GALNTL6: variants seen among roughly 807,000 people sequenced by gnomAD.
GALNTL6 encodes the protein polypeptide N-acetylgalactosaminyltransferase-like 6.
Under a neutral mutation model 73.7 loss-of-function variants are expected in GALNTL6, and 46 were observed. The observed-to-expected ratio is 0.62, with a 90% CI of 0.49 to 0.80. The LOEUF is 0.80. Among genes scored for constraint, GALNTL6 ranks in the 30% least tolerant of loss-of-function variants. The pLI is 0.00. For missense variants in GALNTL6, 604 were observed against 755.0 expected, an observed-to-expected ratio of 0.80 and a Z score of 2.34; for synonymous variants, 259 against 263.7, an observed-to-expected ratio of 0.98 and a Z score of 0.17.
chr4:172,008,788 C>T (rs1160226872), intron 2 of GALNTL6, among the ~76,000 whole-genome samples: 1 of 152,116 alleles, frequency 6.6e-6, no homozygotes, highest in African/African-American at 2.4e-5. Flanking sequence ...TGGCTGCTTT[C>T]CACATCCTTA....
At chr4:172,035,439 T>C (rs1741904132) in intron 2 of GALNTL6, among the ~76,000 whole-genome samples, 1 of 150,878 alleles carries the variant, frequency 6.6e-6, no homozygotes, top group Admixed American at 6.6e-5. Context: ...ACACCTAGAA[T>C]AAAAAGGCTT....
chr4:172,145,283 GCGCCCGC>G (rs1733900486), intron 2 of GALNTL6, among the ~76,000 whole-genome samples: 1 of 151,808 alleles, frequency 6.6e-6, no homozygotes, highest in African/African-American at 2.4e-5. Context: ...GGGACTACAG[GCGCCCGC>G]CACTACGCCC....
intron 2 of GALNTL6, among the ~76,000 whole-genome samples, chr4:172,097,425 C>T (rs1453649989): frequency 2.0e-5 from 3 of 152,098 alleles, no homozygotes; most frequent in African/African-American, 7.2e-5. Flanking sequence ...CAGAGCTCTG[C>T]CCATTATGAG....
intron 5 of GALNTL6, among the ~76,000 whole-genome samples, chr4:172,525,152 T>C (rs1734910235): frequency 6.6e-6 from 1 of 152,240 alleles, no homozygotes; most frequent in Non-Finnish European, 1.5e-5. Context: ...CTTATAATTG[T>C]CAAAGCTTTA....
intron 4 of GALNTL6, among the ~76,000 whole-genome samples, chr4:172,339,960 G>A (rs1741501795): frequency 6.6e-6 from 1 of 152,054 alleles, no homozygotes; most frequent in African/African-American, 2.4e-5. Context: ...TGTGGCTGAG[G>A]CCATCTTGAA....
At chr4:171,866,146 G>A (rs925062988) in intron 2 of GALNTL6, among the ~76,000 whole-genome samples, 2 of 152,094 alleles carry the variant, frequency 1.3e-5, no homozygotes, top group Non-Finnish European at 2.9e-5. Context: ...ATCCAGCACT[G>A]AGTTAAGAAG....
intron 2 of GALNTL6, among the ~76,000 whole-genome samples, chr4:171,957,212 T>C (rs1739077266): frequency 6.6e-6 from 1 of 152,218 alleles, no homozygotes; most frequent in African/African-American, 2.4e-5. Flanking sequence ...GTGACAGATA[T>C]GTAGGAACTT....
At chr4:172,720,737 A>G (rs1192909435) in intron 5 of GALNTL6, among the ~76,000 whole-genome samples, 5 of 151,902 alleles carry the variant, frequency 3.3e-5, no homozygotes, top group Admixed American at 1.3e-4. Context: ...TATTCAATGC[A>G]TTACTCTTTA....
chr4:172,031,993 G>A (rs1007567498), intron 2 of GALNTL6, among the ~76,000 whole-genome samples: 1 of 152,058 alleles, frequency 6.6e-6, no homozygotes, highest in Non-Finnish European at 1.5e-5. Flanking sequence ...TACCAAAAGA[G>A]CATTTAAGTC....
intron 3 of GALNTL6, among the ~76,000 whole-genome samples, chr4:172,250,613 C>G (rs1049409051): frequency 3.3e-5 from 5 of 152,110 alleles, no homozygotes; most frequent in African/African-American, 1.2e-4. Flanking sequence ...TGTCATTCTT[C>G]TCTCTCCTTG....
intron 12 of GALNTL6, among the ~76,000 whole-genome samples, chr4:173,022,118 G>A (rs548269772): frequency 4.8e-4 from 67 of 140,178 alleles, no homozygotes; most frequent in Non-Finnish European, 6.9e-4. Flanking sequence ...AAAGAAGGAA[G>A]GAAGGAAGGA....
chr4:172,795,926 C>T (rs537059819), intron 5 of GALNTL6, among the ~76,000 whole-genome samples: 20 of 151,084 alleles, frequency 1.3e-4, no homozygotes, highest in Admixed American at 7.9e-4. Context: ...AAAGTTATGA[C>T]GTATTTAAAA....
intron 5 of GALNTL6, among the ~76,000 whole-genome samples, chr4:172,632,217 T>A (rs529763733): frequency 1.1e-4 from 17 of 152,348 alleles, no homozygotes; most frequent in African/African-American, 4.1e-4. Context: ...AGTGGGGTGC[T>A]GCTGTAAAGA....
intron 5 of GALNTL6, among the ~76,000 whole-genome samples, chr4:172,556,193 A>G (rs1463691272): frequency 6.6e-6 from 1 of 152,096 alleles, no homozygotes; most frequent in East Asian, 1.9e-4. Flanking sequence ...AGCGTTTCCT[A>G]GTAGACCTGA....
intron 4 of GALNTL6, among the ~76,000 whole-genome samples, chr4:172,319,933 AT>A (rs1376866017): frequency 2.6e-5 from 4 of 152,156 alleles, no homozygotes; most frequent in African/African-American, 9.7e-5. Context: ...AGATCACTCT[AT>A]CCTTCTCTCC....
intron 10 of GALNTL6, among the ~76,000 whole-genome samples, chr4:173,003,824 T>C (rs1752151796): frequency 6.6e-6 from 1 of 152,174 alleles, no homozygotes; most frequent in East Asian, 1.9e-4. Flanking sequence ...ATGTCATCCA[T>C]CCTACCAAGT....
intron 3 of GALNTL6, among the ~76,000 whole-genome samples, chr4:172,302,808 C>CT (rs552554584): frequency 4.3e-4 from 64 of 147,562 alleles, no homozygotes; most frequent in Non-Finnish European, 7.2e-4. Context: ...ATCTTGGTAA[C>CT]TTTTTTTTTT....
rs76920157 is a variant in GALNTL6, at chr4:172,648,850, G to A, written c.554-160511G>A. 9.0e-3 allele frequency among the ~76,000 whole-genome samples: 1,373 copies of A among 152,198 alleles called. 23 individuals carry two copies. Among genetic ancestry groups the A allele is most frequent in the African/African-American group, 0.031 (1,274 of 41,526 alleles). On this transcript the variant is annotated intron_variant, in intron 5 of 12. Transcript: ENST00000506823. ...CCTGGATTAGGTCATTTTTGTATAA[G>A]TCCTTTGCCCAATACTTCACCAAAA...
chr4:171,871,295 A>G (rs1736129538), intron 2 of GALNTL6, among the ~76,000 whole-genome samples: 1 of 152,172 alleles, frequency 6.6e-6, no homozygotes, highest in Non-Finnish European at 1.5e-5. Context: ...ACAGACTAAC[A>G]ATTACTACTA....
Sources: allele counts gnomAD v4.1 joint callset (sites outside exome capture counted in the v4.1 genomes callset), GRCh38; gene constraint gnomAD v4.1.1; transcripts MANE v1.5; gene names NCBI Gene and HGNC (gene_info 2026-07-23, HGNC 2026-07-21).